SHANK1: variants seen among roughly 807,000 people sequenced by gnomAD.
SHANK1 encodes the protein SH3 and multiple ankyrin repeat domains protein 1.
SHANK1 carries 35 observed loss-of-function variants against 165.6 expected under a neutral mutation model. That is an observed-to-expected ratio of 0.21 (90% confidence interval 0.16 to 0.28). The LOEUF (loss-of-function observed/expected upper bound fraction) is 0.28. SHANK1 is among the 10% of genes least tolerant of loss of function. The pLI, the probability that SHANK1 is intolerant of heterozygous loss-of-function variation, is 1.00. For synonymous variants in SHANK1, 1,428 were observed against 1,384.8 expected (o/e 1.03, Z -0.69); for missense variants, 2,681 against 3,036.4 (o/e 0.88, Z 2.75).
chr19:50,687,672 T>C lies in SHANK1; in HGVS notation c.2309-10A>G. The C allele has an allele frequency of 6.8e-7, 1 of 1,478,128 alleles. No individual in the cohort carries two copies. The highest frequency in any genetic ancestry group is 9.0e-7 in the Non-Finnish European group (1 of 1,113,834). The allele number at this position is 1,478,128 out of a possible 1,614,324, so 91.6% of individuals were successfully genotyped here. A position where few individuals can be genotyped will look rare whatever the true frequency, so the allele number is the denominator to read the frequency against. On this transcript the variant is annotated splice_polypyrimidine_tract_variant and intron_variant, in intron 18 of 23. Transcript: ENST00000293441. The stretch of plus-strand genomic sequence containing the variant: ...TTGGCCTGCTGGGGTGCTGAAAAGG[T>C]GATGAGGGGAGGCATCAGTATCATG...
At position 50,666,491 on chromosome 19, in the gene SHANK1, T is replaced by C. The variant is rs781119957; in HGVS notation, c.5469A>G (p.Pro1823=). 6.3e-7 allele frequency: 1 copy of C among 1,594,932 alleles called. No individual in the cohort carries two copies. Among genetic ancestry groups the C allele is most frequent in the South Asian group, 1.1e-5 (1 of 89,356 alleles). Residue 1823 remains proline (P), a synonymous_variant, in exon 23 of 24, where the codon CCA becomes CCG. Coordinates refer to ENST00000293441, the MANE Select transcript of SHANK1 (RefSeq NM_016148.5). Reference sequence around the variant, plus strand: ...AGGAGGCCGTCGGCAAGGGCACCGGTGGGACTTCTGGCTCTACAGCCACCG... The same window carrying C: ...AGGAGGCCGTCGGCAAGGGCACCGGCGGGACTTCTGGCTCTACAGCCACCG... ...GGPVAVEPEV[P]PVPLPTASSL...
chr19:50,691,248 A>G (rs1158051793), intron 15 of SHANK1, among the ~76,000 whole-genome samples: 1 of 152,164 alleles, frequency 6.6e-6, no homozygotes, highest in Non-Finnish European at 1.5e-5. Flanking sequence ...AACTGGACAC[A>G]GAAATTGGCT....
intron 6 of SHANK1, among the ~76,000 whole-genome samples, chr19:50,712,740 C>T (rs1175416629): frequency 6.6e-6 from 1 of 151,854 alleles, no homozygotes; most frequent in Non-Finnish European, 1.5e-5. Context: ...AGCAGTGCCA[C>T]CCAACAGAAC....
At chr19:50,705,605 C>T (rs1018349461) in intron 8 of SHANK1, among the ~76,000 whole-genome samples, 3 of 152,132 alleles carry the variant, frequency 2.0e-5, no homozygotes, top group South Asian at 2.1e-4. Context: ...GTAGCATCCC[C>T]GGTCTCTACC....
rs145868730 is a variant in SHANK1, at chr19:50,717,961, A to G, written c.-43-999T>C. On this transcript the variant is annotated intron_variant, in intron 1 of 23. Transcript: ENST00000293441. This position sits in a 1 kb window ranked among gnomAD's most constrained non-coding sequence, Gnocchi z 5.5. ...CTTATGAGGGTGGAGCCCCTTCCAA[A>G]TGGGGTCCGCCTCCCTTCTGTTCTC... Among the ~76,000 whole-genome samples, 300 of 151,922 alleles carry G rather than the reference A, an allele frequency of 2.0e-3. 3 individuals are homozygous for G. Among genetic ancestry groups the G allele is most frequent in the African/African-American group, 6.9e-3 (286 of 41,400 alleles).
intron 19 of SHANK1, 122 bp downstream of exon 19, chr19:50,687,460 C>T: frequency 1.4e-6 from 1 of 726,450 alleles, no homozygotes; most frequent in Admixed American, 3.0e-5. Flanking sequence ...GACCCATGGA[C>T]TGGGGACAGG....
intron 12 of SHANK1, among the ~76,000 whole-genome samples, chr19:50,700,810 C>G (rs146413078): frequency 4.2e-4 from 64 of 152,210 alleles, no homozygotes; most frequent in African/African-American, 1.4e-3. Flanking sequence ...TCTTTTCTCC[C>G]ATCTCCCCCA....
intron 4 of SHANK1, among the ~76,000 whole-genome samples, chr19:50,714,721 TG>T (rs1222463002): frequency 2.7e-5 from 4 of 150,508 alleles, no homozygotes; most frequent in Non-Finnish European, 5.9e-5. Context: ...TCAGGGTGGT[TG>T]GGGGTGAAGT....
rs1182320332 is a variant in SHANK1 at position 50,715,699 on chromosome 19, G to T, written c.491C>A (p.Thr164Asn). The T allele has an allele frequency of 5.6e-6, 9 of 1,613,960 alleles. No homozygotes were observed. Among genetic ancestry groups the T allele is most frequent in the African/African-American group, 1.3e-5 (1 of 74,860 alleles). ...FRYKTRVYKQ[T>N]NLDEKQLAKL... ...GGCCAGCTGCTTCTCATCCAGGTTG[G>T]TCTGTTTGTAAACTCGGGTCTTGTA... Residue 164 changes from threonine to asparagine, a missense_variant, in exon 4 of 24, where the codon ACC (threonine) becomes AAC (asparagine). Around this residue, in one of 10 missense-constraint regions of SHANK1, gnomAD observed 189 missense variants for 440.9 expected, o/e 0.43. Transcript: ENST00000293441.
intron 15 of SHANK1, 22 bp from the exon 16 acceptor site, chr19:50,689,301 TGG>T: frequency 1.3e-6 from 1 of 756,182 alleles, no homozygotes; most frequent in Non-Finnish European, 2.0e-6. Context: ...GCAGGAGAAA[TGG>T]GGGGGTGGTG....
At chr19:50,683,931 T>C (rs1986252724) in intron 21 of SHANK1, among the ~76,000 whole-genome samples, 1 of 152,232 alleles carries the variant, frequency 6.6e-6, no homozygotes, top group African/African-American at 2.4e-5. Flanking sequence ...GAAGAGGTCT[T>C]GGACTTTGGT....
At chr19:50,707,931 CTTTTCTTTTCT>C (rs2088964044) in intron 8 of SHANK1, among the ~76,000 whole-genome samples, 1 of 81,076 alleles carries the variant, frequency 1.2e-5, no homozygotes, top group South Asian at 3.3e-4. Flanking sequence ...CTTTTCTTTT[CTTTTCTTTTCT>C]TTTCTTTTCT....
chr19:50,684,437 G>C (rs887216997), intron 21 of SHANK1, among the ~76,000 whole-genome samples: 4 of 152,118 alleles, frequency 2.6e-5, no homozygotes, highest in African/African-American at 7.2e-5. Context: ...CGTTGGTCAG[G>C]CTGGTCTCGA....
rs928984592 is a variant in SHANK1 at position 50,670,847 on chromosome 19, G to A, written c.2674+1171C>T. On this transcript the variant is annotated intron_variant, in intron 22 of 23. Coordinates refer to ENST00000293441, the MANE Select transcript of SHANK1 (RefSeq NM_016148.5). The surrounding 1 kb of genome is among the most constrained non-coding windows in gnomAD (Gnocchi z 4.1). ...CTCGCTCTGTCGCCCAGGCTGGAGTGCAATGGTGCGATCTTTGCTCACTGC... is the reference window on the plus strand; with the variant it reads ...CTCGCTCTGTCGCCCAGGCTGGAGTACAATGGTGCGATCTTTGCTCACTGC... Among the ~76,000 whole-genome samples, 4 of 151,846 alleles carry A rather than the reference G, an allele frequency of 2.6e-5. No homozygotes were observed. The highest frequency in any genetic ancestry group is 5.9e-5 in the Non-Finnish European group (4 of 68,000).
chr19:50,686,797 G>A lies in SHANK1; in HGVS notation c.2405C>T (p.Pro802Leu), dbSNP rs1050853474. ...TTTCTCCATGCTGGGCACCGGCGCC[G>A]GCTGCTGCTCGTACTCTGTGGGCAA... ...ELEEMEYEQQ[P>L]APVPSMEKKR... The change falls in exon 20 of 24, where the codon CCG becomes CTG. Residue 802 changes from proline to leucine, a missense_variant. Around this residue, in one of 10 missense-constraint regions of SHANK1, gnomAD observed 206 missense variants for 216.0 expected, o/e 0.95. Transcript: ENST00000293441. This position sits in a 1 kb window ranked among gnomAD's most constrained non-coding sequence, Gnocchi z 5.7. The A allele has an allele frequency of 6.2e-7, 1 of 1,613,812 alleles. No homozygotes were observed. Among genetic ancestry groups the A allele is most frequent in the Non-Finnish European group, 8.5e-7 (1 of 1,179,798 alleles).
chr19:50,691,126 G>C (rs2123142025), intron 15 of SHANK1, among the ~76,000 whole-genome samples: 1 of 152,232 alleles, frequency 6.6e-6, no homozygotes, highest in Non-Finnish European at 1.5e-5. Flanking sequence ...TGGATAGAGA[G>C]GTGTTGGCAG....
At position 50,719,549 on chromosome 19, in the gene SHANK1, CG is replaced by C. The variant is rs2089112951; in HGVS notation, c.-188del. 1 of 112,150 alleles carries C rather than the reference CG, an allele frequency of 8.9e-6. No individual in the cohort carries two copies. The highest frequency in any genetic ancestry group is 3.3e-5 in the African/African-American group (1 of 30,006). The allele number at this position is 112,150 out of a possible 1,614,324, so 6.9% of individuals were successfully genotyped here. A position where few individuals can be genotyped will look rare whatever the true frequency, so the allele number is the denominator to read the frequency against. On this transcript the variant is annotated 5_prime_UTR_variant, in exon 1 of 24. Transcript: ENST00000293441. ...CGAGCGGGCCCGGGGAGGGGGCGGGCGGGGACCGGGGGGGAGGGCGGGAGGG... is the reference window on the plus strand; with the variant it reads ...CGAGCGGGCCCGGGGAGGGGGCGGGCGGGACCGGGGGGGAGGGCGGGAGGG...
At chr19:50,672,218 C>T (rs1985819843) in intron 21 of SHANK1, 104 bp from the exon 22 acceptor site, 1 of 926,042 alleles carries the variant, frequency 1.1e-6, no homozygotes, top group East Asian at 2.6e-5. Context: ...CATTCCTTCC[C>T]TAAGCCCCTG....
At position 50,711,439 on chromosome 19, in the gene SHANK1, C is replaced by T; in HGVS notation, c.1009G>A (p.Gly337Arg). 2 of 1,565,228 alleles carry T rather than the reference C, an allele frequency of 1.3e-6. No homozygotes were observed. The highest frequency in any genetic ancestry group is 1.9e-5 in the Admixed American group (1 of 52,818). Residue 337 changes from glycine (G) to arginine (R), a missense_variant, in exon 8 of 24, where the codon GGG (glycine) becomes AGG (arginine). Transcript: ENST00000293441. ...SQHLEHLLFY[G>R]AEPGAQNASG... ...GCGTTCTGGGCTCCAGGCTCAGCCC[C>T]GTAGAAAAGCAGATGCTCCAGGTGC... is the stretch of plus-strand genomic sequence containing the variant.
Sources: gnomAD v4.1 joint callset for allele counts (sites outside exome capture counted in the v4.1 genomes callset) on GRCh38, gnomAD v4.1.1 for gene constraint, gnomAD v4.1.1 regional missense constraint, Gnocchi (gnomAD v3.1) non-coding constraint, MANE v1.5 for transcripts, NCBI Gene and HGNC (gene_info 2026-07-23, HGNC 2026-07-21) for gene names.